Variants in FCHO2 observed in about 807,000 individuals in gnomAD.
The protein encoded by FCHO2 is FCH and mu domain containing endocytic adaptor 2.
In FCHO2, 43 loss-of-function variants were observed where a neutral mutation model predicts 114.1. The observed-to-expected ratio is 0.38, with a 90% confidence interval of 0.30 to 0.49. The LOEUF is 0.49. Among genes scored for constraint, FCHO2 ranks in the 20% least tolerant of loss-of-function variants. FCHO2 has a pLI of 0.97. For missense variants in FCHO2, 807 were observed against 950.4 expected (o/e 0.85, Z 1.98); for synonymous variants, 293 against 315.2 (o/e 0.93, Z 0.75).
chr5:73,065,806 G>A (rs895567975), intron 18 of FCHO2, among the ~76,000 whole-genome samples: 4 of 151,822 alleles, frequency 2.6e-5, no homozygotes, highest in Admixed American at 6.6e-5. Flanking sequence ...ATTGCATACC[G>A]GCAGAATCTG....
Position 73,054,511 on chromosome 5 carries a change from C to T in FCHO2, c.1186-14C>T, listed in dbSNP as rs376497599. ...CATTTGTTTTATGGTACCTATTTTG[C>T]ATCTCTGTTTTAGGTACAGATGAAT... On this transcript the variant is annotated splice_polypyrimidine_tract_variant and intron_variant, in intron 14 of 25. Coordinates refer to ENST00000430046, the MANE Select transcript of FCHO2 (RefSeq NM_138782.3). The T allele has an allele frequency of 3.1e-5, 47 of 1,536,126 alleles. No individual in the cohort carries two copies. The African/African-American group carries it at 5.7e-4, about 18-fold the overall frequency.
At chr5:72,986,674 T>C (rs1753538456) in intron 2 of FCHO2, among the ~76,000 whole-genome samples, 1 of 152,220 alleles carries the variant, frequency 6.6e-6, no homozygotes, top group Non-Finnish European at 1.5e-5. Flanking sequence ...TAAGTATCCC[T>C]TATTTGAAAT....
rs138410986 is a variant in FCHO2, at chr5:73,052,336, C to T, written c.1002C>T (p.Thr334=). 804 of 1,603,652 alleles carry T rather than the reference C, an allele frequency of 5.0e-4. 3 individuals carry two copies. In the African/African-American group the frequency reaches 0.01, roughly 20 times the overall value. ...AATTCTTTAACTGAAACTCACATAC[C>T]AAAGAGAACCATTTCTACTCATCTA... is the stretch of plus-strand genomic sequence containing the variant. ...SIKPETNQND[T]KENHFYSSSD... is the part of the protein sequence containing the mutation. The change falls in exon 13 of 26, where the codon ACC becomes ACT. Residue 334 remains threonine (T), a synonymous_variant. Transcript: ENST00000430046.
At chr5:72,963,902 G>GTTTTT (rs70973214) in intron 1 of FCHO2, among the ~76,000 whole-genome samples, 69 of 95,720 alleles carry the variant, frequency 7.2e-4, no homozygotes, top group African/African-American at 1.1e-3. Flanking sequence ...GGAACTTTCA[G>GTTTTT]TTTTTTTTTT....
intron 3 of FCHO2, among the ~76,000 whole-genome samples, chr5:72,990,009 T>C (rs1753737719): frequency 6.6e-6 from 1 of 152,016 alleles, no homozygotes; most frequent in African/African-American, 2.4e-5. Context: ...AAATGAGATG[T>C]GCTCATTGCC....
chr5:73,062,225 A>G (rs1328708007), intron 17 of FCHO2, among the ~76,000 whole-genome samples: 2 of 152,124 alleles, frequency 1.3e-5, no homozygotes, highest in Non-Finnish European at 2.9e-5. Context: ...AGCAGTGCCT[A>G]ATTGACCTAT....
intron 11 of FCHO2, among the ~76,000 whole-genome samples, chr5:73,045,937 T>G (rs955812942): frequency 2.0e-5 from 3 of 152,258 alleles, no homozygotes; most frequent in African/African-American, 4.8e-5. Flanking sequence ...CTGTAGGTTA[T>G]TTGAATCCTT....
intron 1 of FCHO2, among the ~76,000 whole-genome samples, chr5:72,960,004 TCC>T (rs1306080164): frequency 1.3e-5 from 2 of 152,194 alleles, no homozygotes; most frequent in African/African-American, 2.4e-5. Context: ...GGTCTCGAAC[TCC>T]TGGGCTCAAG....
intron 18 of FCHO2, among the ~76,000 whole-genome samples, chr5:73,064,675 C>T (rs192353871): frequency 6.6e-6 from 1 of 152,142 alleles, no homozygotes; most frequent in Non-Finnish European, 1.5e-5. Flanking sequence ...CAACAACCTA[C>T]ATTACCAGAC....
In FCHO2 at chr5:73,089,277, A is replaced by T. The variant is rs903799895; in HGVS notation, c.*1187A>T. Reference sequence around the variant, plus strand: ...CTTGATACTTTATCATTGAAAATTTATGCATTTATTTACTGATTGTGTTGT... The same window carrying T: ...CTTGATACTTTATCATTGAAAATTTTTGCATTTATTTACTGATTGTGTTGT... On this transcript the variant is annotated 3_prime_UTR_variant, in exon 26 of 26. Coordinates refer to ENST00000430046, the MANE Select transcript of FCHO2 (RefSeq NM_138782.3). 2.6e-5 allele frequency: 4 copies of T among 152,528 alleles called. No homozygotes were observed. The highest frequency in any genetic ancestry group is 9.6e-5 in the African/African-American group (4 of 41,464). The allele number at this position is 152,528 out of a possible 1,614,324, so 9.4% of individuals were successfully genotyped here.
Position 72,999,788 on chromosome 5 carries a change from T to C in FCHO2, c.496-6657T>C, listed in dbSNP as rs565403524. Among the ~76,000 whole-genome samples, 16 of 152,310 alleles carry C rather than the reference T, an allele frequency of 1.1e-4. No homozygotes were observed. The South Asian group carries it at 2.7e-3, about 26-fold the overall frequency. ...TATGCTGGCTTCATGGATTGTACTA[T>C]AAAAGTCATAGGCACTTAAAATGTT... On this transcript the variant is annotated intron_variant, in intron 5 of 25. Coordinates refer to ENST00000430046, the MANE Select transcript of FCHO2 (RefSeq NM_138782.3).
chr5:73,012,511 C>T (rs1194047074), intron 6 of FCHO2, among the ~76,000 whole-genome samples: 4 of 150,812 alleles, frequency 2.7e-5, no homozygotes, highest in African/African-American at 7.3e-5. Context: ...CCCAGCTACT[C>T]GGGAGCCTGA....
intron 17 of FCHO2, among the ~76,000 whole-genome samples, chr5:73,062,989 A>C (rs1191575313): frequency 6.6e-6 from 1 of 152,114 alleles, no homozygotes; most frequent in African/African-American, 2.4e-5. Flanking sequence ...AGTGTGAGCC[A>C]AAGGGCTTTG....
intron 5 of FCHO2, among the ~76,000 whole-genome samples, chr5:73,004,267 T>C (rs1754597731): frequency 6.6e-6 from 1 of 152,104 alleles, no homozygotes; most frequent in African/African-American, 2.4e-5. Flanking sequence ...AGGTACTTGG[T>C]AAACTATCCA....
intron 11 of FCHO2, among the ~76,000 whole-genome samples, chr5:73,044,159 C>T (rs1029254977): frequency 6.6e-6 from 1 of 152,134 alleles, no homozygotes; most frequent in South Asian, 2.1e-4. Context: ...CTGAGGCCTC[C>T]CTAGCCATGC....
At chr5:73,016,193 A>T (rs1368634999) in intron 7 of FCHO2, among the ~76,000 whole-genome samples, 1 of 152,114 alleles carries the variant, frequency 6.6e-6, no homozygotes, top group Non-Finnish European at 1.5e-5. Context: ...TCATACCTGT[A>T]ATCTCAGCAG....
At chr5:72,990,686 T>C in intron 4 of FCHO2, 26 bp from the exon 5 acceptor site, 1 of 1,538,660 alleles carries the variant, frequency 6.5e-7, no homozygotes, top group East Asian at 2.4e-5. Context: ...TTCAGTCATT[T>C]TGATGGATCA....
intron 2 of FCHO2, among the ~76,000 whole-genome samples, chr5:72,979,232 G>A (rs966620722): frequency 1.1e-4 from 17 of 152,012 alleles, no homozygotes; most frequent in Non-Finnish European, 1.9e-4. Flanking sequence ...CTGTGAATCC[G>A]TCTTGTCCTG....
intron 11 of FCHO2, among the ~76,000 whole-genome samples, chr5:73,044,135 T>C (rs1756944043): frequency 6.6e-6 from 1 of 152,228 alleles, no homozygotes; most frequent in African/African-American, 2.4e-5. Context: ...CCTTCCGCCA[T>C]GATTGTAAGT....
Sources: allele counts gnomAD v4.1 joint callset (sites outside exome capture counted in the v4.1 genomes callset), GRCh38; gene constraint gnomAD v4.1.1; transcripts MANE v1.5; gene names NCBI Gene and HGNC (gene_info 2026-07-23, HGNC 2026-07-21).